Variants in LINGO2 observed in about 807,000 individuals in gnomAD.
LINGO2 encodes the protein leucine rich repeat and Ig domain containing 2, also known as leucine-rich repeat and immunoglobulin-like domain-containing nogo receptor-interacting protein 2.
In LINGO2, 14 loss-of-function variants were observed where a neutral mutation model predicts 30.6. That is an observed-to-expected ratio of 0.46 (90% CI 0.30 to 0.72). The LOEUF is 0.72. Among genes scored for constraint, LINGO2 ranks in the 30% least tolerant of loss-of-function variants. The pLI is 0.07. For synonymous variants in LINGO2, 317 were observed against 288.5 expected, an observed-to-expected ratio of 1.10 and a Z score of -1.00; for missense variants, 729 against 751.7, an observed-to-expected ratio of 0.97 and a Z score of 0.35.
At chr9:28,186,306 G>A (rs1174019888) in intron 4 of LINGO2, among the ~76,000 whole-genome samples, 10 of 152,056 alleles carry the variant, frequency 6.6e-5, no homozygotes, top group Admixed American at 6.6e-4. Flanking sequence ...ATGATACTAC[G>A]AGGTACAAAA....
the LINGO2 span, among the ~76,000 whole-genome samples, chr9:28,866,388 C>T: frequency 6.6e-6 from 1 of 152,046 alleles, no homozygotes; most frequent in Non-Finnish European, 1.5e-5. Flanking sequence ...GTTATTCCAT[C>T]TATGCTTGTG....
rs183876687 is a variant in LINGO2, at chr9:28,579,000, C to T, written c.-365+91200G>A. On this transcript the variant is annotated intron_variant, in intron 1 of 5. Transcript: ENST00000379992. ...ATTTAAGATAAGATAGAATAAAGAT[C>T]GTAAGATTTATTTTTGTAAGATGTA... is the stretch of plus-strand genomic sequence containing the variant. Among the ~76,000 whole-genome samples the T allele has an allele frequency of 2.0e-3, 303 of 151,222 alleles. 3 individuals carry two copies. Among genetic ancestry groups the T allele is most frequent in the African/African-American group, 7.0e-3 (289 of 41,302 alleles).
At chr9:28,947,336 G>C in the LINGO2 span, among the ~76,000 whole-genome samples, 2 of 152,060 alleles carry the variant, frequency 1.3e-5, no homozygotes, top group Admixed American at 1.3e-4. Flanking sequence ...GGCAGTGATA[G>C]AGTAGATTTT....
chr9:28,535,012 T>C (rs1284805082), intron 1 of LINGO2, among the ~76,000 whole-genome samples: 1 of 152,148 alleles, frequency 6.6e-6, no homozygotes, highest in Non-Finnish European at 1.5e-5. Context: ...TTTATGTATT[T>C]AAAGCTTTAA....
At chr9:28,255,017 C>A (rs1356713367) in intron 4 of LINGO2, among the ~76,000 whole-genome samples, 2 of 152,132 alleles carry the variant, frequency 1.3e-5, no homozygotes, top group East Asian at 1.9e-4. Context: ...CCATGTAACA[C>A]CTAAATTTAC....
chr9:29,096,662 G>A, the LINGO2 span, among the ~76,000 whole-genome samples: 34,322 of 139,152 alleles, frequency 0.25, 8,915 homozygotes, highest in African/African-American at 0.29. Flanking sequence ...GTTCCACATA[G>A]ATCCTGCCAG....
chr9:28,786,517 A>C, the LINGO2 span, among the ~76,000 whole-genome samples: 1 of 152,190 alleles, frequency 6.6e-6, no homozygotes, highest in Non-Finnish European at 1.5e-5. Flanking sequence ...ACTGAAAATT[A>C]AAAAAGGAAA....
At chr9:28,201,414 T>A (rs1452973790) in intron 4 of LINGO2, among the ~76,000 whole-genome samples, 1 of 144,340 alleles carries the variant, frequency 6.9e-6, no homozygotes, top group East Asian at 2.0e-4. Flanking sequence ...GAACTCATCA[T>A]TTTTTATGGC....
rs1827471393 is a variant in LINGO2 at position 28,639,602 on chromosome 9, G to C, written c.-365+30598C>G. 2.6e-5 allele frequency among the ~76,000 whole-genome samples: 4 copies of C among 152,026 alleles called. No homozygotes were observed. The South Asian group carries it at 6.2e-4, about 24-fold the overall frequency. ...GCCTTCTTTGTCTCTTTTGATCTTT[G>C]TTGGTTTAAAGTCTGTTTTATCAGA... On this transcript the variant is annotated intron_variant, in intron 1 of 5. Coordinates refer to ENST00000379992, the Ensembl canonical transcript of LINGO2.
the LINGO2 span, among the ~76,000 whole-genome samples, chr9:28,988,637 A>T: frequency 2.0e-5 from 3 of 152,186 alleles, no homozygotes. Flanking sequence ...AGTTACCCAC[A>T]ATATTCCCCA....
intron 1 of LINGO2, among the ~76,000 whole-genome samples, chr9:28,591,789 G>A (rs959193821): frequency 2.0e-5 from 3 of 152,006 alleles, no homozygotes; most frequent in Non-Finnish European, 4.4e-5. Context: ...TTGTTTTGTA[G>A]AGCTTATTTG....
chr9:28,643,420 G>T (rs912732333), intron 1 of LINGO2, among the ~76,000 whole-genome samples: 5 of 151,934 alleles, frequency 3.3e-5, no homozygotes, highest in African/African-American at 1.2e-4. Flanking sequence ...TAACAAAGAT[G>T]CCAAGAACAC....
At chr9:28,818,702 T>G in the LINGO2 span, among the ~76,000 whole-genome samples, 446 of 152,274 alleles carry the variant, frequency 2.9e-3, 3 homozygotes, top group African/African-American at 0.01. Flanking sequence ...CATTCTTTTA[T>G]CATTTTACAG....
the LINGO2 span, among the ~76,000 whole-genome samples, chr9:29,122,511 G>A: frequency 1.8e-3 from 271 of 152,000 alleles, 1 homozygote; most frequent in African/African-American, 6.0e-3. Flanking sequence ...ATAGCATCAC[G>A]TTCTAATAAA....
At chr9:29,016,740 C>T in the LINGO2 span, among the ~76,000 whole-genome samples, 2 of 152,130 alleles carry the variant, frequency 1.3e-5, no homozygotes, top group African/African-American at 4.8e-5. Context: ...AAACCAGTTT[C>T]TCAAAATGGC....
chr9:29,177,887 C>T, the LINGO2 span, among the ~76,000 whole-genome samples: 7 of 152,188 alleles, frequency 4.6e-5, no homozygotes, highest in African/African-American at 1.7e-4. Context: ...CTCTTTCTCA[C>T]CAAGCTCCAC....
At chr9:28,158,882 C>A (rs908383151) in intron 4 of LINGO2, among the ~76,000 whole-genome samples, 1 of 152,150 alleles carries the variant, frequency 6.6e-6, no homozygotes, top group South Asian at 2.1e-4. Context: ...TTTTTACTTC[C>A]ATTGTAAACA....
chr9:29,140,036 G>C, the LINGO2 span, among the ~76,000 whole-genome samples: 1 of 152,114 alleles, frequency 6.6e-6, no homozygotes, highest in Non-Finnish European at 1.5e-5. Flanking sequence ...TGCATCCACA[G>C]AAAAGGTTTG....
rs141500810 is a variant in LINGO2 at position 28,423,607 on chromosome 9, C to T, written c.-278-50739G>A. Among the ~76,000 whole-genome samples, 615 of 151,996 alleles carry T rather than the reference C, an allele frequency of 4.0e-3. 6 individuals are homozygous for T. Among genetic ancestry groups the T allele is most frequent in the Non-Finnish European group, 7.2e-3 (492 of 67,948 alleles). On this transcript the variant is annotated intron_variant, in intron 2 of 5. Coordinates refer to ENST00000379992, the Ensembl canonical transcript of LINGO2. ...TGATTAGTGGCATGATTTATAACTC[C>T]CCATGGTAATTCTTAGAAAGGAAAA...
Sources: allele counts gnomAD v4.1 joint callset (sites outside exome capture counted in the v4.1 genomes callset), GRCh38; gene constraint gnomAD v4.1.1; transcripts MANE v1.5; gene names NCBI Gene and HGNC (gene_info 2026-07-23, HGNC 2026-07-21).